FBXW10B: variants seen among roughly 807,000 people sequenced by gnomAD.
FBXW10B encodes the protein F-box and WD repeat domain containing protein 10B.
chr17:15,589,105 A>C, the FBXW10B span: 2 of 1,556,136 alleles, frequency 1.3e-6, no homozygotes. Flanking sequence ...TGCGATGTGG[A>C]GTCTCACATG....
the FBXW10B span, among the ~76,000 whole-genome samples, chr17:15,608,066 T>C: frequency 6.6e-6 from 1 of 151,786 alleles, no homozygotes; most frequent in Non-Finnish European, 1.5e-5. Context: ...CGGAACGTCA[T>C]ATGTATATTA....
the FBXW10B span, among the ~76,000 whole-genome samples, chr17:15,587,122 G>GTA: frequency 6.6e-6 from 1 of 151,518 alleles, no homozygotes; most frequent in Non-Finnish European, 1.5e-5. Flanking sequence ...GGGCCAGTTA[G>GTA]TATAAGTGTA....
At chr17:15,614,527 GC>G in the FBXW10B span, among the ~76,000 whole-genome samples, 1 of 151,978 alleles carries the variant, frequency 6.6e-6, no homozygotes, top group East Asian at 1.9e-4. Context: ...ATATACATGT[GC>G]TTTTCAGCTT....
the FBXW10B span, chr17:15,588,987 GA>G: frequency 6.2e-7 from 1 of 1,612,804 alleles, no homozygotes; most frequent in African/African-American, 1.3e-5. Flanking sequence ...ACACACCACT[GA>G]AAAGGATCAG....
the FBXW10B span, among the ~76,000 whole-genome samples, chr17:15,612,455 A>G: frequency 7.4e-4 from 113 of 152,138 alleles, no homozygotes; most frequent in African/African-American, 2.6e-3. Context: ...CGGAGCTTGC[A>G]GTGAGCCAAG....
the FBXW10B span, among the ~76,000 whole-genome samples, chr17:15,596,178 G>A: frequency 2.6e-5 from 4 of 151,890 alleles, no homozygotes; most frequent in African/African-American, 4.8e-5. Flanking sequence ...GAGCCACTGC[G>A]CCTGGCCCTA....
At chr17:15,605,448 T>C in the FBXW10B span, 1 of 1,452,822 alleles carries the variant, frequency 6.9e-7, no homozygotes, top group Non-Finnish European at 9.2e-7. Context: ...AAAAGGATTA[T>C]CCATGAAAGA....
the FBXW10B span, among the ~76,000 whole-genome samples, chr17:15,601,763 A>G: frequency 1.3e-5 from 2 of 152,226 alleles, no homozygotes; most frequent in Admixed American, 1.3e-4. Context: ...TTTTATTGAA[A>G]GTTGGTAAAC....
At chr17:15,616,062 G>A in the FBXW10B span, among the ~76,000 whole-genome samples, 1 of 152,160 alleles carries the variant, frequency 6.6e-6, no homozygotes, top group Middle Eastern at 3.4e-3. Context: ...AGAGAGAGTC[G>A]AGGTCAGGAA....
At chr17:15,609,929 C>A in the FBXW10B span, among the ~76,000 whole-genome samples, 1 of 138,942 alleles carries the variant, frequency 7.2e-6, no homozygotes, top group African/African-American at 2.8e-5. Context: ...GGCGTGATCT[C>A]GGCTCACTAC....
At chr17:15,588,724 G>A in the FBXW10B span, 8 of 728,292 alleles carry the variant, frequency 1.1e-5, no homozygotes, top group Non-Finnish European at 1.4e-5. Context: ...CCCATATCCA[G>A]GAATCAGCCA....
chr17:15,591,872 G>C, the FBXW10B span, among the ~76,000 whole-genome samples: 3 of 152,084 alleles, frequency 2.0e-5, no homozygotes, highest in Non-Finnish European at 4.4e-5. Context: ...TCTAGATGTA[G>C]ACAGAACATC....
the FBXW10B span, among the ~76,000 whole-genome samples, chr17:15,575,841 G>A: frequency 4.4e-3 from 664 of 152,168 alleles, 2 homozygotes; most frequent in Middle Eastern, 0.017. Flanking sequence ...AAGGATCCAG[G>A]GCAGCTTCCA....
chr17:15,567,157 A>G, the FBXW10B span, among the ~76,000 whole-genome samples: 1 of 151,626 alleles, frequency 6.6e-6, no homozygotes, highest in African/African-American at 2.4e-5. Context: ...CTGTAATCCT[A>G]GCTACTCAGG....
At chr17:15,617,892 C>G in the FBXW10B span, among the ~76,000 whole-genome samples, 1 of 152,198 alleles carries the variant, frequency 6.6e-6, no homozygotes, top group African/African-American at 2.4e-5. Flanking sequence ...CAAGGCAAAA[C>G]AGACACCACC....
chr17:15,567,165 A>G, the FBXW10B span, among the ~76,000 whole-genome samples: 3 of 151,390 alleles, frequency 2.0e-5, no homozygotes. Flanking sequence ...CTAGCTACTC[A>G]GGAGGCTGAG....
chr17:15,568,208 G>A, the FBXW10B span, among the ~76,000 whole-genome samples: 553 of 152,332 alleles, frequency 3.6e-3, 4 homozygotes, highest in Middle Eastern at 0.024. Flanking sequence ...GACACTAAGT[G>A]TTGTCAAAGG....
chr17:15,609,921 C>T, the FBXW10B span, among the ~76,000 whole-genome samples: 4 of 132,202 alleles, frequency 3.0e-5, no homozygotes, highest in Non-Finnish European at 6.1e-5. Context: ...GGTGCAGTGG[C>T]GTGATCTCGG....
the FBXW10B span, chr17:15,607,803 A>C: frequency 1.1e-6 from 1 of 887,480 alleles, no homozygotes; most frequent in Non-Finnish European, 1.7e-6. Flanking sequence ...CTGAAGGCTG[A>C]GGCTGCTGCT....
Sources: gnomAD v4.1 joint callset for allele counts (sites outside exome capture counted in the v4.1 genomes callset) on GRCh38, gnomAD v4.1.1 for gene constraint, MANE v1.5 for transcripts, NCBI Gene and HGNC (gene_info 2026-07-23, HGNC 2026-07-21) for gene names.